The following HS6ST3 variants were observed in gnomAD, a reference collection of about 807,000 sequenced individuals.
HS6ST3 encodes the protein heparan-sulfate 6-O-sulfotransferase 3.
A neutral mutation model predicts 36.7 loss-of-function variants in HS6ST3; 12 were observed. That is an observed-to-expected ratio of 0.33 (90% CI 0.21 to 0.53). The LOEUF is 0.53. HS6ST3 is among the 20% of genes least tolerant of loss of function. The pLI, the probability that HS6ST3 is intolerant of heterozygous loss-of-function variation, is 0.95. For missense variants in HS6ST3, 584 were observed against 640.9 expected (o/e 0.91, Z 0.96); for synonymous variants, 240 against 257.5 (o/e 0.93, Z 0.65).
intron 1 of HS6ST3, among the ~76,000 whole-genome samples, chr13:96,283,819 G>A (rs998651240): frequency 7.2e-5 from 11 of 152,042 alleles, no homozygotes; most frequent in African/African-American, 1.9e-4. Context: ...GGATTCTGAC[G>A]CAGTTCGTCC....
chr13:96,494,507 C>T (rs1165282769), intron 1 of HS6ST3, among the ~76,000 whole-genome samples: 7 of 149,994 alleles, frequency 4.7e-5, no homozygotes, highest in Middle Eastern at 3.5e-3. Flanking sequence ...CTAACCTGCA[C>T]GTTGTGCACA....
chr13:96,325,236 C>A (rs1450398428), intron 1 of HS6ST3, among the ~76,000 whole-genome samples: 2 of 152,014 alleles, frequency 1.3e-5, no homozygotes, highest in Non-Finnish European at 2.9e-5. Flanking sequence ...ATAAGTATTT[C>A]TTTTGAAATG....
chr13:96,311,069 A>G (rs2054938702), intron 1 of HS6ST3, among the ~76,000 whole-genome samples: 1 of 152,202 alleles, frequency 6.6e-6, no homozygotes, highest in Non-Finnish European at 1.5e-5. Context: ...GCAAATAAGC[A>G]AAAAGTACTC....
intron 1 of HS6ST3, among the ~76,000 whole-genome samples, chr13:96,631,459 T>A (rs530814183): frequency 1.5e-4 from 23 of 152,358 alleles, no homozygotes; most frequent in African/African-American, 4.8e-4. Context: ...ACTGACTTTG[T>A]CCAATAGCTT....
rs1434543953 is a variant in HS6ST3, at chr13:96,091,083, C to T, written c.221C>T (p.Pro74Leu). The change falls in exon 1 of 2, where the codon CCG (proline) becomes CTG (leucine). Residue 74 changes from proline to leucine, a missense_variant. This residue lies in a region of HS6ST3 where 217 missense variants were observed against 205.4 expected (regional missense o/e 1.06). Transcript: ENST00000376705. ...GAGCGGCGGCCCCAGTTGCCCCCGC[C>T]GCCCCGGGGGCCCCCCGAGGGACCT... ...EWERRPQLPP[P>L]PRGPPEGPRG... The T allele has an allele frequency of 1.5e-6, 2 of 1,294,540 alleles. No individual in the cohort carries two copies. The highest frequency in any genetic ancestry group is 1.9e-6 in the Non-Finnish European group (2 of 1,025,730). 80.2% of individuals were successfully genotyped at this position (1,294,540 alleles called of 1,614,324 possible).
At chr13:96,202,876 C>A (rs1464733168) in intron 1 of HS6ST3, among the ~76,000 whole-genome samples, 1 of 152,136 alleles carries the variant, frequency 6.6e-6, no homozygotes, top group African/African-American at 2.4e-5. Flanking sequence ...CTGACTTTTT[C>A]AGTGTGTGAT....
intron 1 of HS6ST3, among the ~76,000 whole-genome samples, chr13:96,494,872 C>T (rs1381292431): frequency 1.3e-5 from 2 of 152,130 alleles, no homozygotes. Context: ...GGGAGATCTT[C>T]CTTTGAATCT....
chr13:96,507,623 C>T (rs1392593491), intron 1 of HS6ST3, among the ~76,000 whole-genome samples: 1 of 152,006 alleles, frequency 6.6e-6, no homozygotes, highest in African/African-American at 2.4e-5. Flanking sequence ...CGGCTCCAGT[C>T]ACTGCTACCA....
rs139747823 is a variant in HS6ST3, at chr13:96,091,432, C to A, written c.570C>A (p.Gly190=). Residue 190 remains glycine, a synonymous_variant, in exon 1 of 2, where the codon GGC becomes GGA. Transcript: ENST00000376705. ...AGAAGTGCACCTGCCACCGGCCTGGCAAGAAGGAGACGTGGCTCTTCTCCC... is the reference window on the plus strand; with the variant it reads ...AGAAGTGCACCTGCCACCGGCCTGGAAAGAAGGAGACGTGGCTCTTCTCCC... The part of the protein sequence containing the change: ...GQKKCTCHRP[G]KKETWLFSRF... 18 of 1,612,202 alleles carry A rather than the reference C, an allele frequency of 1.1e-5. No homozygotes were observed. The highest frequency in any genetic ancestry group is 1.4e-5 in the Non-Finnish European group (17 of 1,179,530).
intron 1 of HS6ST3, among the ~76,000 whole-genome samples, chr13:96,112,632 G>C (rs1334622273): frequency 1.3e-5 from 1 of 79,980 alleles, no homozygotes; most frequent in Non-Finnish European, 2.8e-5. Context: ...TGCCCGGCTG[G>C]TGGTGTACAC....
intron 1 of HS6ST3, among the ~76,000 whole-genome samples, chr13:96,564,589 C>T (rs1182543315): frequency 1.3e-5 from 2 of 152,246 alleles, no homozygotes; most frequent in Middle Eastern, 3.4e-3. Context: ...AGCACAAGGT[C>T]ATGTAAGAAT....
At chr13:96,364,869 T>C (rs1481920728) in intron 1 of HS6ST3, among the ~76,000 whole-genome samples, 1 of 152,218 alleles carries the variant, frequency 6.6e-6, no homozygotes, top group East Asian at 1.9e-4. Flanking sequence ...TTTCACATAT[T>C]ACACAGGATT....
At chr13:96,184,297 T>A (rs185391578) in intron 1 of HS6ST3, among the ~76,000 whole-genome samples, 3,848 of 151,658 alleles carry the variant, frequency 0.025, 60 homozygotes, top group East Asian at 0.056. Context: ...TAAAAAAAAT[T>A]TTTTTAAGTC....
intron 1 of HS6ST3, among the ~76,000 whole-genome samples, chr13:96,322,921 T>G (rs7996549): frequency 0.36 from 54,988 of 151,958 alleles, 10,266 homozygotes; most frequent in African/African-American, 0.43. Context: ...AACACTTTTT[T>G]CACTTGATTT....
At chr13:96,640,729 C>A (rs1263580101) in intron 1 of HS6ST3, among the ~76,000 whole-genome samples, 1 of 151,836 alleles carries the variant, frequency 6.6e-6, no homozygotes, top group African/African-American at 2.4e-5. Flanking sequence ...GAGTAACCTT[C>A]TGTATATGAT....
At chr13:96,346,568 G>A (rs1489418792) in intron 1 of HS6ST3, among the ~76,000 whole-genome samples, 9 of 108,472 alleles carry the variant, frequency 8.3e-5, no homozygotes, top group Non-Finnish European at 2.0e-4. Flanking sequence ...GAGAGACTCC[G>A]TCTCAAAAAA....
intron 1 of HS6ST3, among the ~76,000 whole-genome samples, chr13:96,513,191 T>C (rs1490355396): frequency 1.3e-5 from 2 of 152,148 alleles, no homozygotes; most frequent in Non-Finnish European, 2.9e-5. Context: ...TTACTGGATG[T>C]CTGTGTTATC....
chr13:96,326,187 T>C (rs569295075), intron 1 of HS6ST3, among the ~76,000 whole-genome samples: 7 of 152,104 alleles, frequency 4.6e-5, no homozygotes, highest in Admixed American at 6.5e-5. Context: ...TTAATTTTTT[T>C]TTATTATACT....
chr13:96,531,928 GA>G (rs1461959151), intron 1 of HS6ST3, among the ~76,000 whole-genome samples: 1 of 152,192 alleles, frequency 6.6e-6, no homozygotes, highest in Non-Finnish European at 1.5e-5. Flanking sequence ...GCTGGAGGAA[GA>G]AAACAACCTC....
Sources: gnomAD v4.1 joint callset for allele counts (sites outside exome capture counted in the v4.1 genomes callset) on GRCh38, gnomAD v4.1.1 for gene constraint, gnomAD v4.1.1 regional missense constraint, MANE v1.5 for transcripts, NCBI Gene and HGNC (gene_info 2026-07-23, HGNC 2026-07-21) for gene names.